TBC1D16: variants seen among roughly 807,000 people sequenced by gnomAD.
The protein encoded by TBC1D16 is CTD-2529O21.1.
In TBC1D16, 58 loss-of-function variants were observed where a neutral mutation model predicts 74.7. The observed-to-expected ratio is 0.78, with a 90% CI of 0.63 to 0.97. TBC1D16 has a LOEUF of 0.97. TBC1D16 is among the 50% of genes least tolerant of loss of function. The pLI is 0.00. For missense variants in TBC1D16, 1,014 were observed against 1,079.5 expected (o/e 0.94, Z 0.85); for synonymous variants, 493 against 474.7 (o/e 1.04, Z -0.50).
At chr17:80,034,221 A>T (rs2036867856) in intron 1 of TBC1D16, among the ~76,000 whole-genome samples, 1 of 3,640 alleles carries the variant, frequency 2.7e-4, no homozygotes. Context: ...TTTTTTTGAG[A>T]CATAGAATGT....
At chr17:80,002,100 T>C (rs2035510817) in intron 3 of TBC1D16, among the ~76,000 whole-genome samples, 1 of 152,182 alleles carries the variant, frequency 6.6e-6, no homozygotes, top group Admixed American at 6.5e-5. Context: ...CAGAGCTTTG[T>C]GAGTCCAGGG....
chr17:79,950,684 G>C lies in TBC1D16; in HGVS notation c.1090-106C>G. 1 of 1,544,250 alleles carries C rather than the reference G, an allele frequency of 6.5e-7. No individual in the cohort carries two copies. The highest frequency in any genetic ancestry group is 2.4e-5 in the East Asian group (1 of 42,470). On this transcript the variant is annotated intron_variant, in intron 5 of 11. Coordinates refer to ENST00000310924, the MANE Select transcript of TBC1D16 (RefSeq NM_019020.4). This position sits in a 1 kb window ranked among gnomAD's most constrained non-coding sequence, Gnocchi z 4.6. ...AAAGCCTCTCTCTCTTCTGAAAGGA[G>C]GGCAAGGGCCGTCCCCTGCATACAA... is the stretch of plus-strand genomic sequence containing the variant.
chr17:80,010,830 G>T lies in TBC1D16; in HGVS notation c.182-73C>A. 8.6e-7 allele frequency: 1 copy of T among 1,169,272 alleles called. No individual in the cohort carries two copies. The highest frequency in any genetic ancestry group is 1.2e-6 in the Non-Finnish European group (1 of 865,386). 72.4% of individuals were successfully genotyped at this position (1,169,272 alleles called of 1,614,324 possible). A position where few individuals can be genotyped will look rare whatever the true frequency, so the allele number is the denominator to read the frequency against. On this transcript the variant is annotated intron_variant, in intron 2 of 11. Transcript: ENST00000310924. This position sits in a 1 kb window ranked among gnomAD's most constrained non-coding sequence, Gnocchi z 8.8. ...ATGAGGCCCTTGTGGTACCTTTGGC[G>T]AGCTGCTCGGAGAGGCCACTGCCCT... is the stretch of plus-strand genomic sequence containing the variant.
chr17:79,976,834 T>C (rs1273278272), intron 3 of TBC1D16, among the ~76,000 whole-genome samples: 1 of 152,160 alleles, frequency 6.6e-6, no homozygotes, highest in African/African-American at 2.4e-5. Flanking sequence ...GAAGGACTCC[T>C]CTCTATGGAA....
In TBC1D16 at chr17:80,020,934, T is replaced by C. The variant is rs537521013; in HGVS notation, c.-62-7325A>G. On this transcript the variant is annotated intron_variant, in intron 1 of 11. Coordinates refer to ENST00000310924, the MANE Select transcript of TBC1D16 (RefSeq NM_019020.4). Reference sequence around the variant, plus strand: ...AATTTGGGAGGCTGACGTGGGAGGATTGCTCAAGCCCAGGAGCTCAAAACC... The same window carrying C: ...AATTTGGGAGGCTGACGTGGGAGGACTGCTCAAGCCCAGGAGCTCAAAACC... 1.7e-4 allele frequency among the ~76,000 whole-genome samples: 26 copies of C among 150,038 alleles called. No homozygotes were observed. The South Asian group carries it at 4.8e-3, about 28-fold the overall frequency.
At chr17:79,957,788 G>A (rs2033404935) in intron 3 of TBC1D16, among the ~76,000 whole-genome samples, 1 of 151,448 alleles carries the variant, frequency 6.6e-6, no homozygotes, top group Non-Finnish European at 1.5e-5. Flanking sequence ...GGGGGTGGAT[G>A]AGAATTCTCT....
At position 79,933,815 on chromosome 17, in the gene TBC1D16, C is replaced by T. The variant is rs1243717687; in HGVS notation, c.*7044G>A. 1 of 152,244 alleles carries T rather than the reference C, an allele frequency of 6.6e-6. No individual in the cohort carries two copies. The highest frequency in any genetic ancestry group is 2.4e-5 in the African/African-American group (1 of 41,440). 9.4% of individuals were successfully genotyped at this position (152,244 alleles called of 1,614,324 possible). ...TGTCTGCCCCGGGAATCCAAGTAGC[C>T]CCAGTGCGCTCCTGCCTTGCTTCCC... On this transcript the variant is annotated 3_prime_UTR_variant, in exon 12 of 12. Transcript: ENST00000310924.
intron 3 of TBC1D16, among the ~76,000 whole-genome samples, chr17:79,996,395 G>A (rs190197883): frequency 1.3e-5 from 2 of 152,230 alleles, no homozygotes; most frequent in South Asian, 2.1e-4. Flanking sequence ...TCGACATCAC[G>A]AGCCATTAGG....
intron 3 of TBC1D16, among the ~76,000 whole-genome samples, chr17:79,974,428 G>C (rs1005904248): frequency 6.6e-6 from 1 of 152,026 alleles, no homozygotes; most frequent in Admixed American, 6.6e-5. Context: ...TAGAGAGACA[G>C]GGTTTCCCCA....
At chr17:79,959,423 C>T (rs747457431) in intron 3 of TBC1D16, among the ~76,000 whole-genome samples, 15 of 152,076 alleles carry the variant, frequency 9.9e-5, no homozygotes, top group Non-Finnish European at 1.8e-4. Flanking sequence ...CTAGTATAAC[C>T]AGAGCGACTA....
chr17:80,013,860 C>A (rs2035995278), intron 1 of TBC1D16, among the ~76,000 whole-genome samples: 1 of 152,180 alleles, frequency 6.6e-6, no homozygotes, highest in Non-Finnish European at 1.5e-5. Flanking sequence ...AGTACGAAAA[C>A]TAGAACATCT....
At chr17:79,957,751 G>C (rs1463102629) in intron 3 of TBC1D16, among the ~76,000 whole-genome samples, 1 of 151,858 alleles carries the variant, frequency 6.6e-6, no homozygotes, top group African/African-American at 2.4e-5. Flanking sequence ...CCACTCTGGT[G>C]GGGGAGGCTG....
intron 3 of TBC1D16, among the ~76,000 whole-genome samples, chr17:79,972,945 G>A (rs1295179947): frequency 2.0e-5 from 3 of 152,278 alleles, no homozygotes; most frequent in African/African-American, 7.2e-5. Flanking sequence ...AGCCAGGCAT[G>A]GTGGTGCCTA....
chr17:79,949,786 G>C lies in TBC1D16; in HGVS notation c.1337C>G (p.Ser446Cys). ...PFLLRYYSHE[S>C]TSEEREALRL... is the part of the protein sequence containing the mutation. The stretch of plus-strand genomic sequence containing the variant: ...CAGCGCCTCCCGCTCCTCCGACGTG[G>C]ACTCGTGGCTGTAATAGCGCAGCAG... Residue 446 changes from serine (S) to cysteine (C), a missense_variant, in exon 7 of 12, where the codon TCC (serine) becomes TGC (cysteine). Coordinates refer to ENST00000310924, the MANE Select transcript of TBC1D16 (RefSeq NM_019020.4). 6.2e-7 allele frequency: 1 copy of C among 1,613,744 alleles called. No homozygotes were observed. Among genetic ancestry groups the C allele is most frequent in the Non-Finnish European group, 8.5e-7 (1 of 1,179,956 alleles).
intron 1 of TBC1D16, among the ~76,000 whole-genome samples, chr17:80,030,583 A>G (rs934634677): frequency 8.5e-5 from 13 of 152,190 alleles, no homozygotes; most frequent in Non-Finnish European, 1.3e-4. Context: ...ACTAGGAGAG[A>G]GGTATCACCC....
Position 79,945,038 on chromosome 17 carries a change from T to C in TBC1D16, c.1778A>G (p.His593Arg). 1.9e-6 allele frequency: 3 copies of C among 1,584,840 alleles called. No homozygotes were observed. The highest frequency in any genetic ancestry group is 2.6e-6 in the Non-Finnish European group (3 of 1,166,942). The part of the protein sequence containing the change: ...LRLTHVRFYQ[H>R]LVSLGEDGLQ... The stretch of plus-strand genomic sequence containing the variant: ...GCCGTCCTCGCCCAGCGAGACCAGG[T>C]GCTGGTAGAAGCGCACGTGCGTCAG... The change falls in exon 10 of 12, where the codon CAC (histidine) becomes CGC (arginine). Residue 593 changes from histidine (H) to arginine (R), a missense_variant. Coordinates refer to ENST00000310924, the MANE Select transcript of TBC1D16 (RefSeq NM_019020.4).
At chr17:79,943,899 G>T in intron 10 of TBC1D16, 1 of 1,410,446 alleles carries the variant, frequency 7.1e-7, no homozygotes, top group Non-Finnish European at 9.2e-7. Context: ...TTTAATTCGG[G>T]AGTGGTGGGA....
At position 79,941,412 on chromosome 17, in the gene TBC1D16, C is replaced by T. The variant is rs1007941125; in HGVS notation, c.2056-305G>A. Among the ~76,000 whole-genome samples, 13 of 152,176 alleles carry T rather than the reference C, an allele frequency of 8.5e-5. No homozygotes were observed. Among genetic ancestry groups the T allele is most frequent in the Non-Finnish European group, 1.5e-4 (10 of 68,024 alleles). On this transcript the variant is annotated intron_variant, in intron 11 of 11. Coordinates refer to ENST00000310924, the MANE Select transcript of TBC1D16 (RefSeq NM_019020.4). This position sits in a 1 kb window ranked among gnomAD's most constrained non-coding sequence, Gnocchi z 4.3. ...AGGGTGAACAGGACCAACACCAGCACAGGGCCGGGTGGCGTCCAGCCAAGC... is the reference window on the plus strand; with the variant it reads ...AGGGTGAACAGGACCAACACCAGCATAGGGCCGGGTGGCGTCCAGCCAAGC...
chr17:79,955,863 T>G (rs1488278421), intron 3 of TBC1D16, among the ~76,000 whole-genome samples: 1 of 152,186 alleles, frequency 6.6e-6, no homozygotes, highest in Non-Finnish European at 1.5e-5. Flanking sequence ...GATACAGAGA[T>G]AGAGATTTAA....
Sources: gnomAD v4.1 joint callset for allele counts (sites outside exome capture counted in the v4.1 genomes callset) on GRCh38, gnomAD v4.1.1 for gene constraint, Gnocchi (gnomAD v3.1) non-coding constraint, MANE v1.5 for transcripts, NCBI Gene and HGNC (gene_info 2026-07-23, HGNC 2026-07-21) for gene names.